The following TDRD9 variants were observed in gnomAD, a reference collection of about 807,000 sequenced individuals.
TDRD9 encodes the protein ATP-dependent RNA helicase TDRD9.
In TDRD9, 124 loss-of-function variants were observed where a neutral mutation model predicts 172.6. The ratio of observed to expected loss-of-function variants is 0.72; its 90% CI spans 0.62 to 0.83. The LOEUF (loss-of-function observed/expected upper bound fraction) is 0.83, where lower values mean the gene tolerates loss of function less well. Ranked by LOEUF, TDRD9 falls within the 40% of genes least tolerant of loss-of-function variation. The pLI is 0.00. For missense variants in TDRD9, 1,479 were observed against 1,714.1 expected, an observed-to-expected ratio of 0.86 and a Z score of 2.42; for synonymous variants, 619 against 617.1, an observed-to-expected ratio of 1.00 and a Z score of -0.05.
chr14:103,995,708 A>G (rs1566768324), intron 11 of TDRD9, 42 bp from the exon 12 acceptor site: 1 of 1,534,016 alleles, frequency 6.5e-7, no homozygotes, highest in Admixed American at 2.2e-5. Flanking sequence ...TGATGTTCGG[A>G]ATATAGTAGG....
intron 14 of TDRD9, among the ~76,000 whole-genome samples, chr14:104,004,641 G>A (rs532592722): frequency 1.3e-5 from 2 of 152,234 alleles, no homozygotes; most frequent in East Asian, 3.9e-4. Flanking sequence ...GCCTCCCAAA[G>A]TGTCAAAGTT....
chr14:103,932,576 A>G (rs1241195419), intron 1 of TDRD9, among the ~76,000 whole-genome samples: 11 of 151,826 alleles, frequency 7.2e-5, no homozygotes, highest in Non-Finnish European at 2.9e-5. Context: ...TTTAGTAGAG[A>G]CGGGGTTTCA....
chr14:103,938,428 ATATATATATATATT>A, intron 1 of TDRD9, among the ~76,000 whole-genome samples: 1 of 43,464 alleles, frequency 2.3e-5, no homozygotes, highest in East Asian at 7.8e-4. Flanking sequence ...ATATATATAT[ATATATATATATATT>A]TTTTTTTTTT....
intron 4 of TDRD9, among the ~76,000 whole-genome samples, chr14:103,965,815 C>T (rs1405940838): frequency 6.6e-6 from 1 of 151,584 alleles, no homozygotes; most frequent in East Asian, 1.9e-4. Flanking sequence ...TGTGGTGGTG[C>T]ATGCCTGTAG....
intron 35 of TDRD9, among the ~76,000 whole-genome samples, chr14:104,050,237 A>T (rs969759827): frequency 9.9e-5 from 15 of 152,098 alleles, no homozygotes; most frequent in African/African-American, 3.6e-4. Context: ...TGAAAGAGAG[A>T]CGTCCTCTCT....
Position 103,993,207 on chromosome 14 carries a change from A to G in TDRD9, c.1181-1125A>G, listed in dbSNP as rs546338595. Among the ~76,000 whole-genome samples, 453 of 151,844 alleles carry G rather than the reference A, an allele frequency of 3.0e-3. 4 individuals carry two copies. The highest frequency in any genetic ancestry group is 0.011 in the African/African-American group (442 of 41,380). Reference sequence around the variant, plus strand: ...TTGCACAGGCTAGTCTCGAACTGCTAGGCTCAAGTGATCTCCATGAAGTGA... The same window carrying G: ...TTGCACAGGCTAGTCTCGAACTGCTGGGCTCAAGTGATCTCCATGAAGTGA... On this transcript the variant is annotated intron_variant, in intron 9 of 35. Transcript: ENST00000409874.
In TDRD9 at chr14:104,026,707, G is replaced by T; in HGVS notation, c.3050G>T (p.Arg1017Ile). The change falls in exon 28 of 36, where the codon AGA (arginine) becomes ATA (isoleucine). Residue 1017 changes from arginine to isoleucine, a missense_variant. Arg to Ile is a moderately conservative substitution (Grantham distance 97). Transcript: ENST00000409874. ...QALEFKICKM[R>I]PSAKSLVCGK... is the part of the protein sequence containing the mutation. Reference sequence around the variant, plus strand: ...TTGGAATTTAAGATTTGCAAAATGAGACCATCAGCAAAGTCTCTTGTTTGT... The same window carrying T: ...TTGGAATTTAAGATTTGCAAAATGATACCATCAGCAAAGTCTCTTGTTTGT... The T allele has an allele frequency of 1.2e-6, 2 of 1,613,978 alleles. No individual in the cohort carries two copies. Among genetic ancestry groups the T allele is most frequent in the South Asian group, 2.2e-5 (2 of 91,062 alleles).
rs544399775 is a variant in TDRD9 at position 103,984,395 on chromosome 14, T to C, written c.1012-1822T>C. 9.2e-4 allele frequency among the ~76,000 whole-genome samples: 140 copies of C among 152,332 alleles called. 1 individual carries two copies. The highest frequency in any genetic ancestry group is 3.2e-3 in the African/African-American group (135 of 41,588). ...CCAGGCTTAGGGCCCCCGTGCTGTGTGCAGCCTAGGGACTTGGTGCCCTGT... is the reference window on the plus strand; with the variant it reads ...CCAGGCTTAGGGCCCCCGTGCTGTGCGCAGCCTAGGGACTTGGTGCCCTGT... On this transcript the variant is annotated intron_variant, in intron 7 of 35. Transcript: ENST00000409874.
intron 7 of TDRD9, among the ~76,000 whole-genome samples, chr14:103,983,436 T>A (rs1241329132): frequency 1.3e-5 from 2 of 152,182 alleles, no homozygotes; most frequent in South Asian, 2.1e-4. Context: ...GGAAAAAAAA[T>A]TTGCCCCTGT....
At chr14:103,977,638 T>G (rs1368619691) in intron 7 of TDRD9, among the ~76,000 whole-genome samples, 3 of 150,182 alleles carry the variant, frequency 2.0e-5, no homozygotes, top group African/African-American at 7.3e-5. Flanking sequence ...TTCTTTTTTT[T>G]TTTTTTTTTG....
intron 34 of TDRD9, among the ~76,000 whole-genome samples, chr14:104,043,794 G>A (rs75379709): frequency 6.6e-6 from 1 of 152,292 alleles, no homozygotes; most frequent in South Asian, 2.1e-4. Flanking sequence ...ACACAACCTA[G>A]CTCTTCAGCA....
intron 32 of TDRD9, among the ~76,000 whole-genome samples, chr14:104,038,178 T>C (rs4906409): frequency 0.33 from 50,308 of 151,992 alleles, 8,494 homozygotes; most frequent in Middle Eastern, 0.37. Flanking sequence ...CCTGGGAAGA[T>C]GGTGCTTCTG....
chr14:103,953,858 T>C (rs2032068942), intron 1 of TDRD9, among the ~76,000 whole-genome samples: 1 of 152,178 alleles, frequency 6.6e-6, no homozygotes, highest in African/African-American at 2.4e-5. Context: ...GACTCGGTAA[T>C]GCCCATCCAT....
intron 1 of TDRD9, among the ~76,000 whole-genome samples, chr14:103,948,757 T>A (rs1051212014): frequency 6.6e-6 from 1 of 151,982 alleles, no homozygotes; most frequent in Admixed American, 6.6e-5. Flanking sequence ...TGTAGTTCCT[T>A]CTACTTAGGA....
rs1009443326 is a variant in TDRD9 at position 104,043,284 on chromosome 14, C to T, written c.3974+1097C>T. 5.3e-5 allele frequency among the ~76,000 whole-genome samples: 8 copies of T among 151,808 alleles called. No individual in the cohort carries two copies. The South Asian group carries it at 1.7e-3, about 32-fold the overall frequency. Reference sequence around the variant, plus strand: ...GAGAATGGAGTCTTGCTCTGTCACCCAGGCTGGAGTGCGATGGCACGATTG... The same window carrying T: ...GAGAATGGAGTCTTGCTCTGTCACCTAGGCTGGAGTGCGATGGCACGATTG... On this transcript the variant is annotated intron_variant, in intron 34 of 35. Coordinates refer to ENST00000409874, the MANE Select transcript of TDRD9 (RefSeq NM_153046.3).
At chr14:104,003,975 T>C (rs8010286) in intron 13 of TDRD9, among the ~76,000 whole-genome samples, 50,295 of 152,054 alleles carry the variant, frequency 0.33, 8,497 homozygotes, top group Middle Eastern at 0.37. Context: ...TTTTATAATA[T>C]TGGTCACTGA....
chr14:104,039,114 GTTC>G (rs1427234789), intron 32 of TDRD9, among the ~76,000 whole-genome samples: 1 of 152,146 alleles, frequency 6.6e-6, no homozygotes, highest in Non-Finnish European at 1.5e-5. Flanking sequence ...AAGCAAACAC[GTTC>G]TTCTTCACAT....
rs2034103893 is a variant in TDRD9, at chr14:103,997,670, G to A, written c.1379-954G>A. 6.6e-6 allele frequency among the ~76,000 whole-genome samples: 1 copy of A among 152,252 alleles called. No individual in the cohort carries two copies. Among genetic ancestry groups the A allele is most frequent in the Non-Finnish European group, 1.5e-5 (1 of 68,040 alleles). On this transcript the variant is annotated intron_variant, in intron 12 of 35. Coordinates refer to ENST00000409874, the MANE Select transcript of TDRD9 (RefSeq NM_153046.3). This position sits in a 1 kb window ranked among gnomAD's most constrained non-coding sequence, Gnocchi z 5.1. ...CACAGAGGGAGGGTGGCCCCGGTGT[G>A]TAAAGGTGGGCAGTAAGAGCAGAGG... is the stretch of plus-strand genomic sequence containing the variant.
chr14:103,957,060 G>A lies in TDRD9; in HGVS notation c.322+1290G>A, dbSNP rs772543381. Among the ~76,000 whole-genome samples, 119 of 152,250 alleles carry A rather than the reference G, an allele frequency of 7.8e-4. No homozygotes were observed. In the Middle Eastern group the frequency reaches 0.017, roughly 22 times the overall value. ...TATGAAATACAGTCAATACATAATA[G>A]TAGATTAATCCTTATCATTCTTGGG... On this transcript the variant is annotated intron_variant, in intron 2 of 35. Coordinates refer to ENST00000409874, the MANE Select transcript of TDRD9 (RefSeq NM_153046.3).
Sources: allele counts gnomAD v4.1 joint callset (sites outside exome capture counted in the v4.1 genomes callset), GRCh38; gene constraint gnomAD v4.1.1; non-coding constraint Gnocchi (gnomAD v3.1); transcripts MANE v1.5; gene names NCBI Gene and HGNC (gene_info 2026-07-23, HGNC 2026-07-21).